Variants in SGCD observed in about 807,000 individuals in gnomAD.
The protein encoded by SGCD is delta-sarcoglycan.
SGCD carries 18 observed loss-of-function variants against 36.6 expected under a neutral mutation model. That is an observed-to-expected ratio of 0.49 (90% CI 0.34 to 0.73). The LOEUF is 0.73. Among genes scored for constraint, SGCD ranks in the 30% least tolerant of loss-of-function variants. SGCD has a pLI of 0.01. For synonymous variants in SGCD, 133 were observed against 130.6 expected, an observed-to-expected ratio of 1.02 and a Z score of -0.12; for missense variants, 387 against 346.7, an observed-to-expected ratio of 1.12 and a Z score of -0.92.
chr5:156,570,627 C>T (rs1759680893), intron 4 of SGCD, among the ~76,000 whole-genome samples: 1 of 152,028 alleles, frequency 6.6e-6, no homozygotes, highest in Admixed American at 6.6e-5. Context: ...AATTTTGATA[C>T]CCAGCTTTCT....
intron 6 of SGCD, among the ~76,000 whole-genome samples, chr5:156,639,663 C>A (rs1203095905): frequency 6.6e-6 from 1 of 152,158 alleles, no homozygotes; most frequent in Non-Finnish European, 1.5e-5. Flanking sequence ...GATAGAATGT[C>A]TCTTGAGATG....
At chr5:156,412,898 C>T (rs1463821683) in intron 3 of SGCD, among the ~76,000 whole-genome samples, 1 of 151,352 alleles carries the variant, frequency 6.6e-6, no homozygotes, top group Non-Finnish European at 1.5e-5. Context: ...CGGGTTCACG[C>T]CATTCTCCTG....
At chr5:156,376,989 A>C (rs990522083) in intron 3 of SGCD, among the ~76,000 whole-genome samples, 1 of 152,176 alleles carries the variant, frequency 6.6e-6, no homozygotes, top group Non-Finnish European at 1.5e-5. Flanking sequence ...AAAATGACTA[A>C]AAATATAAAG....
At chr5:156,170,892 G>A (rs1260899640) in intron 3 of SGCD, among the ~76,000 whole-genome samples, 1 of 152,152 alleles carries the variant, frequency 6.6e-6, no homozygotes, top group Non-Finnish European at 1.5e-5. Context: ...CTTCTTTGCT[G>A]TCCTTGGAAT....
At chr5:155,842,138 C>T in the SGCD span, among the ~76,000 whole-genome samples, 1 of 151,720 alleles carries the variant, frequency 6.6e-6, no homozygotes, top group Non-Finnish European at 1.5e-5. Flanking sequence ...AGAAAGATGC[C>T]TGAAGGCAAT....
chr5:156,708,320 T>G (rs1169115318), intron 7 of SGCD, among the ~76,000 whole-genome samples: 1 of 151,904 alleles, frequency 6.6e-6, no homozygotes, highest in Non-Finnish European at 1.5e-5. Context: ...AGGTAGAATG[T>G]CCATGACTAA....
At chr5:156,062,201 C>A (rs971792375) in intron 1 of SGCD, among the ~76,000 whole-genome samples, 1 of 77,982 alleles carries the variant, frequency 1.3e-5, no homozygotes, top group Non-Finnish European at 2.2e-5. Context: ...TTTGTTCTTG[C>A]GATAGTTTAC....
intron 1 of SGCD, among the ~76,000 whole-genome samples, chr5:155,932,630 A>G (rs551432947): frequency 6.6e-6 from 1 of 152,240 alleles, no homozygotes; most frequent in South Asian, 2.1e-4. Flanking sequence ...AATCACTGAA[A>G]CTGGACCCTT....
At chr5:156,275,920 G>A (rs1028935675) in intron 3 of SGCD, among the ~76,000 whole-genome samples, 2 of 152,032 alleles carry the variant, frequency 1.3e-5, no homozygotes, top group Middle Eastern at 3.2e-3. Context: ...CATTTTCCAT[G>A]TGCCCGGCCC....
chr5:155,890,638 T>TGATA (rs34093451), intron 1 of SGCD, among the ~76,000 whole-genome samples: 59,833 of 143,224 alleles, frequency 0.42, 12,563 homozygotes, highest in East Asian at 0.48. Context: ...GATAGACAGA[T>TGATA]GATAGATAGA....
intron 1 of SGCD, among the ~76,000 whole-genome samples, chr5:155,998,503 T>C (rs1366746456): frequency 2.0e-5 from 3 of 152,164 alleles, no homozygotes; most frequent in South Asian, 2.1e-4. Flanking sequence ...TTGGCTTACA[T>C]TGTAATCAGA....
intron 7 of SGCD, among the ~76,000 whole-genome samples, chr5:156,652,619 T>G (rs1763505346): frequency 6.6e-6 from 1 of 152,134 alleles, no homozygotes; most frequent in East Asian, 1.9e-4. Flanking sequence ...TTCAGTACTG[T>G]GTTGAATAGA....
the SGCD span, among the ~76,000 whole-genome samples, chr5:155,802,880 A>C: frequency 1.3e-5 from 2 of 152,176 alleles, no homozygotes; most frequent in Admixed American, 1.3e-4. Context: ...GATATTTTTC[A>C]TCTGAGGAAT....
chr5:156,281,945 C>T (rs184044529), intron 3 of SGCD, among the ~76,000 whole-genome samples: 55 of 152,024 alleles, frequency 3.6e-4, no homozygotes, highest in Admixed American at 2.7e-3. Flanking sequence ...TTCTGTTTTC[C>T]GCGTAAACCC....
chr5:156,000,514 A>AT (rs1211940602), intron 1 of SGCD, among the ~76,000 whole-genome samples: 2 of 152,098 alleles, frequency 1.3e-5, no homozygotes, highest in Non-Finnish European at 2.9e-5. Flanking sequence ...ATTAGCAGAA[A>AT]TTTTTTCAAA....
intron 3 of SGCD, among the ~76,000 whole-genome samples, chr5:156,414,702 C>T (rs947707229): frequency 1.3e-5 from 2 of 152,124 alleles, no homozygotes; most frequent in African/African-American, 2.4e-5. Flanking sequence ...TTTGCAGATC[C>T]CATTATAAAC....
chr5:156,439,524 C>A (rs1248167965), intron 3 of SGCD, among the ~76,000 whole-genome samples: 1 of 151,920 alleles, frequency 6.6e-6, no homozygotes, highest in East Asian at 1.9e-4. Context: ...CATAATTGCC[C>A]CCTACTCCCC....
intron 1 of SGCD, among the ~76,000 whole-genome samples, chr5:155,996,906 T>TAGATAGACAGAC (rs1472624095): frequency 5.9e-4 from 84 of 142,026 alleles, no homozygotes; most frequent in Non-Finnish European, 1.0e-3. Context: ...GATAGATAGA[T>TAGATAGACAGAC]AGACAGACAG....
rs111946668 is a variant in SGCD, at chr5:156,706,907, T to G, written c.576-50674T>G. ...ATACCCTAATCCAGCCTTTTTGAGATGCAAAAGCCAAGAACTTGAAGTCTT... is the reference window on the plus strand; with the variant it reads ...ATACCCTAATCCAGCCTTTTTGAGAGGCAAAAGCCAAGAACTTGAAGTCTT... On this transcript the variant is annotated intron_variant, in intron 7 of 8. Coordinates refer to ENST00000337851, the MANE Select transcript of SGCD (RefSeq NM_000337.6). 3.7e-3 allele frequency among the ~76,000 whole-genome samples: 558 copies of G among 152,288 alleles called. 7 individuals carry two copies. Among genetic ancestry groups the G allele is most frequent in the African/African-American group, 0.012 (486 of 41,574 alleles).
Sources: allele counts gnomAD v4.1 joint callset (sites outside exome capture counted in the v4.1 genomes callset), GRCh38; gene constraint gnomAD v4.1.1; transcripts MANE v1.5; gene names NCBI Gene and HGNC (gene_info 2026-07-23, HGNC 2026-07-21).